TMEFF2: variants seen among roughly 807,000 people sequenced by gnomAD.
TMEFF2 encodes transmembrane protein with EGF like and two follistatin like domains 2, also known as tomoregulin-2.
Under a neutral mutation model 53.8 loss-of-function variants are expected in TMEFF2, and 28 were observed. The ratio of observed to expected loss-of-function variants is 0.52; its 90% CI spans 0.39 to 0.71. The LOEUF (loss-of-function observed/expected upper bound fraction) is 0.71. TMEFF2 is among the 30% of genes least tolerant of loss of function. The pLI, the probability that TMEFF2 is intolerant of heterozygous loss-of-function variation, is 0.00. For missense variants in TMEFF2, 353 were observed against 455.2 expected, an observed-to-expected ratio of 0.78 and a Z score of 2.04; for synonymous variants, 162 against 166.3, an observed-to-expected ratio of 0.97 and a Z score of 0.20.
chr2:192,061,785 C>A (rs1206166427), intron 4 of TMEFF2, among the ~76,000 whole-genome samples: 1 of 152,094 alleles, frequency 6.6e-6, no homozygotes, highest in Non-Finnish European at 1.5e-5. Flanking sequence ...AGTTCTCACT[C>A]AGTTAGTTCA....
chr2:192,131,345 G>A (rs1689822247), intron 4 of TMEFF2, among the ~76,000 whole-genome samples: 1 of 147,454 alleles, frequency 6.8e-6, no homozygotes, highest in Non-Finnish European at 1.5e-5. Context: ...CCCCTTCTCT[G>A]CTTTTCTGGG....
chr2:191,969,605 AATGTTG>A (rs943663671), intron 7 of TMEFF2, among the ~76,000 whole-genome samples: 1 of 152,196 alleles, frequency 6.6e-6, no homozygotes, highest in Non-Finnish European at 1.5e-5. Context: ...AGCATAAGCA[AATGTTG>A]ATGGGTTTGT....
intron 5 of TMEFF2, among the ~76,000 whole-genome samples, chr2:192,041,447 C>A (rs1197170683): frequency 6.6e-6 from 1 of 152,078 alleles, no homozygotes; most frequent in African/African-American, 2.4e-5. Flanking sequence ...TAGTAATAAT[C>A]AAAAAGACAG....
At chr2:191,963,607 A>AT (rs1692332349) in intron 7 of TMEFF2, among the ~76,000 whole-genome samples, 1 of 152,244 alleles carries the variant, frequency 6.6e-6, no homozygotes, top group Admixed American at 6.5e-5. Flanking sequence ...TTACTGGAAT[A>AT]TAGTGAAAGC....
intron 9 of TMEFF2, among the ~76,000 whole-genome samples, chr2:191,951,976 A>T (rs1691898699): frequency 6.6e-6 from 1 of 152,016 alleles, no homozygotes; most frequent in African/African-American, 2.4e-5. Context: ...GAATACACAA[A>T]ATCCTTCCCA....
intron 4 of TMEFF2, among the ~76,000 whole-genome samples, chr2:192,101,417 C>G (rs561687343): frequency 6.6e-6 from 1 of 152,060 alleles, no homozygotes. Flanking sequence ...AATATAGTTA[C>G]TTTTTTCTGC....
chr2:192,082,251 C>T (rs1688571332), intron 4 of TMEFF2, among the ~76,000 whole-genome samples: 1 of 152,106 alleles, frequency 6.6e-6, no homozygotes, highest in Admixed American at 6.5e-5. Context: ...TTTATCCTTA[C>T]TTCTTACTAT....
intron 7 of TMEFF2, among the ~76,000 whole-genome samples, chr2:191,964,917 T>C (rs2105797916): frequency 6.6e-6 from 1 of 152,302 alleles, no homozygotes; most frequent in Non-Finnish European, 1.5e-5. Flanking sequence ...TGGGTTTCCA[T>C]GATACCACCC....
At chr2:192,066,733 GAAGAA>G (rs1421519151) in intron 4 of TMEFF2, among the ~76,000 whole-genome samples, 1 of 151,682 alleles carries the variant, frequency 6.6e-6, no homozygotes, top group Non-Finnish European at 1.5e-5. Flanking sequence ...AGTCAGGAAG[GAAGAA>G]AAGAAGAAAT....
At chr2:192,093,599 CTCTT>C (rs1435140727) in intron 4 of TMEFF2, among the ~76,000 whole-genome samples, 3 of 152,094 alleles carry the variant, frequency 2.0e-5, no homozygotes, top group Non-Finnish European at 4.4e-5. Context: ...TATTTCTATC[CTCTT>C]TCTTTGAAGT....
At chr2:192,144,567 C>T (rs905853340) in intron 4 of TMEFF2, among the ~76,000 whole-genome samples, 1 of 152,038 alleles carries the variant, frequency 6.6e-6, no homozygotes, top group Admixed American at 6.6e-5. Flanking sequence ...ATTTTGTAGA[C>T]AACCATAGAA....
At position 191,998,340 on chromosome 2, in the gene TMEFF2, A is replaced by G; in HGVS notation, c.686-19T>C. On this transcript the variant is annotated intron_variant, in intron 6 of 9. Transcript: ENST00000272771. ...GTGTTATCTGTGTTAAAAAATTAAC[A>G]ATAAAAATTGATTAACTGCTTCCTA... 1 of 1,553,784 alleles carries G rather than the reference A, an allele frequency of 6.4e-7. No individual in the cohort carries two copies. Among genetic ancestry groups the G allele is most frequent in the Non-Finnish European group, 8.8e-7 (1 of 1,138,424 alleles).
chr2:192,167,127 A>G (rs1690788397), intron 4 of TMEFF2, among the ~76,000 whole-genome samples: 1 of 152,162 alleles, frequency 6.6e-6, no homozygotes, highest in African/African-American at 2.4e-5. Flanking sequence ...GGAGTAGAAG[A>G]AGGCTGTCTA....
chr2:192,168,251 TTAAAG>T (rs1690818740), intron 4 of TMEFF2, among the ~76,000 whole-genome samples: 1 of 152,252 alleles, frequency 6.6e-6, no homozygotes, highest in East Asian at 1.9e-4. Flanking sequence ...GCTTTGATGG[TTAAAG>T]TAAATTTTAT....
At chr2:192,178,230 T>C in intron 4 of TMEFF2, 1 of 150,952 alleles carries the variant, frequency 6.6e-6, no homozygotes, top group East Asian at 1.9e-4. Flanking sequence ...AAAGCAACAT[T>C]TTAAAAAATT....
At chr2:191,997,898 T>A (rs918364208) in intron 7 of TMEFF2, among the ~76,000 whole-genome samples, 2 of 151,934 alleles carry the variant, frequency 1.3e-5, no homozygotes, top group Non-Finnish European at 2.9e-5. Context: ...TGTTGACTTT[T>A]ATGAAAATTT....
chr2:192,135,936 C>T lies in TMEFF2; in HGVS notation c.439+43732G>A, dbSNP rs555291583. On this transcript the variant is annotated intron_variant, in intron 4 of 9. Transcript: ENST00000272771. ...CCCGCCCCTGCCCACCAGAGAACAA[C>T]CCCCTTTGACTGTAATTTTCCATTA... Among the ~76,000 whole-genome samples, 231 of 151,412 alleles carry T rather than the reference C, an allele frequency of 1.5e-3. 1 individual carries two copies. The highest frequency in any genetic ancestry group is 0.014 in the Middle Eastern group (4 of 294).
At chr2:191,964,255 T>C (rs11684937) in intron 7 of TMEFF2, among the ~76,000 whole-genome samples, 29,651 of 69,236 alleles carry the variant, frequency 0.43, 3,369 homozygotes, top group Non-Finnish European at 0.5. Flanking sequence ...CTTCCTTCCT[T>C]CCTCCTTTCT....
At position 192,011,820 on chromosome 2, in the gene TMEFF2, T is replaced by A. The variant is rs1357469253; in HGVS notation, c.537-12612A>T. 2.6e-5 allele frequency among the ~76,000 whole-genome samples: 4 copies of A among 152,342 alleles called. No homozygotes were observed. The South Asian group carries it at 8.3e-4, about 32-fold the overall frequency. ...CCAGTCTAGTCATCCATTTTATACA[T>A]TGTCAGTCTTCTATTTTAAGCAAGC... On this transcript the variant is annotated intron_variant, in intron 5 of 9. Coordinates refer to ENST00000272771, the MANE Select transcript of TMEFF2 (RefSeq NM_016192.4).
Sources: allele counts gnomAD v4.1 joint callset (sites outside exome capture counted in the v4.1 genomes callset), GRCh38; gene constraint gnomAD v4.1.1; transcripts MANE v1.5; gene names NCBI Gene and HGNC (gene_info 2026-07-23, HGNC 2026-07-21).